AK5: variants seen among roughly 807,000 people sequenced by gnomAD.
AK5 encodes the protein adenylate kinase isoenzyme 5.
AK5 carries 27 observed loss-of-function variants against 69.5 expected under a neutral mutation model. That is an observed-to-expected ratio of 0.39 (90% CI 0.29 to 0.54). The LOEUF is 0.54. Among genes scored for constraint, AK5 ranks in the 20% least tolerant of loss-of-function variants. The pLI, the probability that AK5 is intolerant of heterozygous loss-of-function variation, is 0.71. For synonymous variants in AK5, 260 were observed against 244.4 expected (o/e 1.06, Z -0.60); for missense variants, 531 against 700.4 (o/e 0.76, Z 2.73).
chr1:77,307,928 T>C (rs2799555), intron 5 of AK5, among the ~76,000 whole-genome samples: 22,531 of 152,196 alleles, frequency 0.15, 2,165 homozygotes, highest in Non-Finnish European at 0.2. Flanking sequence ...TCTATATAGA[T>C]AGTCGTCAAC....
intron 5 of AK5, among the ~76,000 whole-genome samples, chr1:77,339,132 G>A (rs1661515760): frequency 6.6e-6 from 1 of 152,192 alleles, no homozygotes; most frequent in South Asian, 2.1e-4. Flanking sequence ...ATTTTACAAT[G>A]TGCATTCTGC....
At chr1:77,307,625 G>C (rs962222794) in intron 5 of AK5, among the ~76,000 whole-genome samples, 1 of 152,118 alleles carries the variant, frequency 6.6e-6, no homozygotes, top group Admixed American at 6.5e-5. Context: ...GATACATTTG[G>C]TCCATAGGTG....
chr1:77,467,318 G>A (rs1654202880), intron 8 of AK5, among the ~76,000 whole-genome samples: 1 of 152,096 alleles, frequency 6.6e-6, no homozygotes, highest in Non-Finnish European at 1.5e-5. Flanking sequence ...GGGTTTCTGT[G>A]AACAGACTCA....
At chr1:77,350,994 T>G (rs1366404740) in intron 6 of AK5, among the ~76,000 whole-genome samples, 1 of 152,234 alleles carries the variant, frequency 6.6e-6, no homozygotes, top group Non-Finnish European at 1.5e-5. Context: ...TTTATTTTCA[T>G]GGCAGACAGC....
chr1:77,349,986 C>A (rs1268683457), intron 6 of AK5, among the ~76,000 whole-genome samples: 1 of 152,184 alleles, frequency 6.6e-6, no homozygotes, highest in African/African-American at 2.4e-5. Context: ...CCCTTTTCAT[C>A]AGACAACAGT....
intron 5 of AK5, among the ~76,000 whole-genome samples, chr1:77,334,632 C>T (rs1228922803): frequency 6.6e-6 from 1 of 152,070 alleles, no homozygotes; most frequent in Non-Finnish European, 1.5e-5. Flanking sequence ...TCTTTTGCTT[C>T]ATTCTGGATT....
chr1:77,410,885 A>C, intron 6 of AK5, 96 bp from the exon 7 acceptor site: 34 of 879,834 alleles, frequency 3.9e-5, no homozygotes, highest in Non-Finnish European at 5.2e-5. Flanking sequence ...CTGCTTCATT[A>C]GAGATACAGT....
intron 10 of AK5, among the ~76,000 whole-genome samples, chr1:77,498,339 A>C (rs1656481546): frequency 6.6e-6 from 1 of 152,222 alleles, no homozygotes; most frequent in Non-Finnish European, 1.5e-5. Context: ...TGTACAGACA[A>C]CACTTTCAAG....
intron 8 of AK5, among the ~76,000 whole-genome samples, chr1:77,468,736 G>A (rs1379998052): frequency 6.6e-6 from 1 of 152,198 alleles, no homozygotes; most frequent in Non-Finnish European, 1.5e-5. Flanking sequence ...TTTTCCAGAT[G>A]ATGTCACCAT....
intron 6 of AK5, among the ~76,000 whole-genome samples, chr1:77,393,417 T>G (rs1648616759): frequency 1.3e-5 from 2 of 152,206 alleles, no homozygotes; most frequent in Admixed American, 6.5e-5. Context: ...TGGGACAATT[T>G]GTTGCTATTG....
At chr1:77,497,711 C>T (rs752956408) in intron 10 of AK5, among the ~76,000 whole-genome samples, 29 of 151,156 alleles carry the variant, frequency 1.9e-4, no homozygotes, top group African/African-American at 5.9e-4. Flanking sequence ...CCTCGGCCCC[C>T]GGAGTAGCTG....
chr1:77,456,181 G>C (rs1040208462), intron 8 of AK5, among the ~76,000 whole-genome samples: 27 of 152,198 alleles, frequency 1.8e-4, no homozygotes, highest in African/African-American at 5.1e-4. Context: ...TCAATACTAA[G>C]AGTGAGGTTT....
intron 10 of AK5, among the ~76,000 whole-genome samples, chr1:77,488,331 C>T (rs1326444388): frequency 6.6e-6 from 1 of 152,138 alleles, no homozygotes; most frequent in East Asian, 1.9e-4. Flanking sequence ...ATTAGTTGTG[C>T]TATAGATTAC....
chr1:77,292,359 A>T (rs1271490526), intron 2 of AK5, among the ~76,000 whole-genome samples: 4 of 152,192 alleles, frequency 2.6e-5, no homozygotes, highest in Non-Finnish European at 5.9e-5. Flanking sequence ...AGCTAAAATG[A>T]ATCTAGTGGG....
intron 5 of AK5, chr1:77,313,864 G>T (rs753626293): frequency 7.1e-5 from 38 of 532,668 alleles, no homozygotes; most frequent in Non-Finnish European, 1.2e-4. Flanking sequence ...TCCCTGCGGG[G>T]TATGTCCAGT....
At chr1:77,541,706 A>C (rs969103489) in intron 13 of AK5, among the ~76,000 whole-genome samples, 2 of 152,144 alleles carry the variant, frequency 1.3e-5, no homozygotes, top group Admixed American at 6.5e-5. Flanking sequence ...AGTGCTCCCT[A>C]CTGCTTCACA....
intron 6 of AK5, among the ~76,000 whole-genome samples, chr1:77,394,964 A>G (rs1275479533): frequency 6.6e-6 from 1 of 152,188 alleles, no homozygotes; most frequent in African/African-American, 2.4e-5. Flanking sequence ...TACTCAGGAC[A>G]AGAGACCTTT....
At chr1:77,448,266 C>T (rs888494990) in intron 8 of AK5, among the ~76,000 whole-genome samples, 8 of 152,190 alleles carry the variant, frequency 5.3e-5, no homozygotes, top group African/African-American at 1.9e-4. Context: ...TCTTTTCAGG[C>T]CCATCCATGG....
intron 9 of AK5, among the ~76,000 whole-genome samples, chr1:77,485,717 A>T (rs890274896): frequency 1.3e-5 from 2 of 152,240 alleles, no homozygotes; most frequent in African/African-American, 4.8e-5. Context: ...AGTAATTTTT[A>T]AAAATAGCTT....
Sources: allele counts gnomAD v4.1 joint callset (sites outside exome capture counted in the v4.1 genomes callset), GRCh38; gene constraint gnomAD v4.1.1; transcripts MANE v1.5; gene names NCBI Gene and HGNC (gene_info 2026-07-23, HGNC 2026-07-21).